Variants in RP1 observed in about 807,000 individuals in gnomAD.
RP1 encodes oxygen-regulated protein 1.
RP1 carries 16 observed loss-of-function variants against 14.8 expected under a neutral mutation model. That is an observed-to-expected ratio of 1.08 (90% CI 0.73 to 1.65). The LOEUF (loss-of-function observed/expected upper bound fraction) is 1.65, where lower values mean the gene tolerates loss of function less well. RP1 is among the 40% of genes most tolerant of loss of function. The pLI is 0.00. For missense variants in RP1, 2,631 were observed against 2,535.0 expected (o/e 1.04, Z -0.81); for synonymous variants, 876 against 883.6 (o/e 0.99, Z 0.15).
intron 18 of RP1, among the ~76,000 whole-genome samples, chr8:54,736,081 T>A (rs1015857140): frequency 1.3e-5 from 2 of 152,172 alleles, no homozygotes; most frequent in Non-Finnish European, 2.9e-5. Flanking sequence ...GATTCTAAAG[T>A]GCAACCAAGG....
At chr8:54,866,827 G>A (rs1170674435) in intron 28 of RP1, among the ~76,000 whole-genome samples, 1 of 152,162 alleles carries the variant, frequency 6.6e-6, no homozygotes, top group African/African-American at 2.4e-5. Flanking sequence ...GAAGACCTGG[G>A]TGTCAAGGTG....
At chr8:54,568,273 T>C (rs1482812168) in intron 1 of RP1, among the ~76,000 whole-genome samples, 1 of 152,148 alleles carries the variant, frequency 6.6e-6, no homozygotes, top group Non-Finnish European at 1.5e-5. Context: ...TTGGGAAATA[T>C]GCATGGATTA....
downstream of RP1, among the ~76,000 whole-genome samples, chr8:54,771,329 A>T (rs1391378625): frequency 1.3e-5 from 2 of 152,040 alleles, no homozygotes; most frequent in African/African-American, 4.8e-5. Context: ...ATCCATTAAT[A>T]CCAGAACTTG....
At chr8:54,845,673 C>T (rs1416717566) in intron 25 of RP1, among the ~76,000 whole-genome samples, 2 of 152,174 alleles carry the variant, frequency 1.3e-5, no homozygotes, top group Non-Finnish European at 2.9e-5. Flanking sequence ...AGATTGCTTC[C>T]TTTTAGGGCA....
At chr8:54,814,893 C>A (rs927248162) in intron 24 of RP1, among the ~76,000 whole-genome samples, 1 of 152,230 alleles carries the variant, frequency 6.6e-6, no homozygotes, top group Non-Finnish European at 1.5e-5. Flanking sequence ...CACCTGGCCA[C>A]TGCCATAGAA....
At chr8:54,600,562 G>A (rs1805251181) in intron 1 of RP1, among the ~76,000 whole-genome samples, 1 of 152,138 alleles carries the variant, frequency 6.6e-6, no homozygotes, top group Admixed American at 6.6e-5. Flanking sequence ...CTACCAGGTG[G>A]AGATGGAAGT....
chr8:54,622,797 A>G (rs562003355), intron 3 of RP1, among the ~76,000 whole-genome samples: 8 of 152,356 alleles, frequency 5.3e-5, no homozygotes, highest in African/African-American at 1.7e-4. Flanking sequence ...CATGCAACCA[A>G]TTCATGCTGG....
At chr8:54,687,120 TACTC>T (rs1397072727) in intron 12 of RP1, among the ~76,000 whole-genome samples, 3 of 152,158 alleles carry the variant, frequency 2.0e-5, no homozygotes, top group Admixed American at 2.0e-4. Context: ...TCTTTTGTAT[TACTC>T]AATTCCTAGA....
intron 19 of RP1, among the ~76,000 whole-genome samples, chr8:54,753,697 A>G (rs377707348): frequency 6.6e-6 from 1 of 152,160 alleles, no homozygotes; most frequent in South Asian, 2.1e-4. Flanking sequence ...TGCTCATTGT[A>G]TTGAGGATTT....
At chr8:54,671,940 C>A (rs749988836) in intron 7 of RP1, among the ~76,000 whole-genome samples, 1 of 152,078 alleles carries the variant, frequency 6.6e-6, no homozygotes, top group Non-Finnish European at 1.5e-5. Context: ...ACAACCATAC[C>A]TCACAGTCAT....
intron 24 of RP1, among the ~76,000 whole-genome samples, chr8:54,810,197 T>C (rs1276486444): frequency 6.6e-6 from 1 of 152,162 alleles, no homozygotes; most frequent in Admixed American, 6.5e-5. Flanking sequence ...TACTAAACAA[T>C]GTTTCAAAAT....
chr8:54,580,728 C>T (rs1374909325), intron 1 of RP1, among the ~76,000 whole-genome samples: 2 of 152,072 alleles, frequency 1.3e-5, no homozygotes, highest in East Asian at 3.9e-4. Flanking sequence ...AAGTGATTCT[C>T]CTGCCCCAGC....
intron 14 of RP1, chr8:54,706,434 G>T (rs1808151293): frequency 2.0e-6 from 3 of 1,535,540 alleles, no homozygotes; most frequent in Non-Finnish European, 2.6e-6. Context: ...TCTGTTTGTT[G>T]CTCTGAAGGG....
At chr8:54,655,462 C>A (rs1281340058) in intron 5 of RP1, among the ~76,000 whole-genome samples, 1 of 66,858 alleles carries the variant, frequency 1.5e-5, no homozygotes, top group Non-Finnish European at 4.1e-5. Flanking sequence ...TATAAATAAT[C>A]AGTGCTTGAG....
At chr8:54,792,894 A>G (rs1810500453) in intron 24 of RP1, among the ~76,000 whole-genome samples, 1 of 152,022 alleles carries the variant, frequency 6.6e-6, no homozygotes, top group East Asian at 1.9e-4. Context: ...AAAGATCAAT[A>G]AAACCAAAAA....
chr8:54,832,373 C>T (rs1487266492), intron 24 of RP1, among the ~76,000 whole-genome samples: 3 of 151,702 alleles, frequency 2.0e-5, no homozygotes, highest in African/African-American at 7.2e-5. Flanking sequence ...TAACTGTCTT[C>T]AAGTTTACTG....
intron 19 of RP1, among the ~76,000 whole-genome samples, chr8:54,741,162 A>C (rs1374216773): frequency 2.0e-5 from 3 of 152,200 alleles, no homozygotes; most frequent in African/African-American, 7.2e-5. Flanking sequence ...TAAAAAATTA[A>C]ATGTTTAATT....
chr8:54,559,928 G>T (rs1418343724), intron 1 of RP1, among the ~76,000 whole-genome samples: 1 of 152,202 alleles, frequency 6.6e-6, no homozygotes, highest in African/African-American at 2.4e-5. Context: ...ACTGGGAGAA[G>T]GAGAAGTTTA....
Position 54,627,171 on chromosome 8 carries a change from G to T in RP1, c.3289G>T (p.Gly1097Cys). The T allele has an allele frequency of 6.2e-7, 1 of 1,614,010 alleles. No individual in the cohort carries two copies. Residue 1097 changes from glycine to cysteine, a missense_variant, in exon 4 of 4, where the codon GGT becomes TGT. By Grantham distance (159) the Gly-to-Cys change is radical. Coordinates refer to ENST00000220676, the MANE Select transcript of RP1 (RefSeq NM_006269.2). Reference sequence around the variant, plus strand: ...TCACCAATTGCAAGCTTCAGTTCCTGGTATTCACAAGACTCAGAATGGAGT... The same window carrying T: ...TCACCAATTGCAAGCTTCAGTTCCTTGTATTCACAAGACTCAGAATGGAGT... ...MLHQLQASVP[G>C]IHKTQNGVVQ...
Sources: allele counts gnomAD v4.1 joint callset (sites outside exome capture counted in the v4.1 genomes callset), GRCh38; gene constraint gnomAD v4.1.1; transcripts MANE v1.5; gene names NCBI Gene and HGNC (gene_info 2026-07-23, HGNC 2026-07-21).